Variants in MDGA2 observed in about 807,000 individuals in gnomAD.
MDGA2 encodes the protein MAM domain containing glycosylphosphatidylinositol anchor 2.
A neutral mutation model predicts 117.8 loss-of-function variants in MDGA2; 40 were observed. The observed-to-expected ratio is 0.34, with a 90% CI of 0.26 to 0.44. The LOEUF (loss-of-function observed/expected upper bound fraction) is 0.44. Among genes scored for constraint, MDGA2 ranks in the 20% least tolerant of loss-of-function variants. The pLI, the probability that MDGA2 is intolerant of heterozygous loss-of-function variation, is 1.00. For missense variants in MDGA2, 1,123 were observed against 1,250.6 expected, an observed-to-expected ratio of 0.90 and a Z score of 1.54; for synonymous variants, 452 against 439.0, an observed-to-expected ratio of 1.03 and a Z score of -0.37.
intron 5 of MDGA2, among the ~76,000 whole-genome samples, chr14:47,104,755 G>A (rs1880550312): frequency 6.6e-6 from 1 of 152,134 alleles, no homozygotes; most frequent in Non-Finnish European, 1.5e-5. Context: ...TGCTCCGTGA[G>A]AAAGATCCAC....
intron 1 of MDGA2, chr14:47,444,615 T>C (rs1893083542): frequency 6.6e-6 from 1 of 152,114 alleles, no homozygotes; most frequent in Non-Finnish European, 1.5e-5. Flanking sequence ...GGAGTAAAAC[T>C]TTTTACCTTA....
intron 1 of MDGA2, among the ~76,000 whole-genome samples, chr14:47,304,433 G>A (rs1458306657): frequency 6.6e-6 from 1 of 152,024 alleles, no homozygotes; most frequent in East Asian, 1.9e-4. Flanking sequence ...ACTAGACCCA[G>A]ACCTAGACTA....
chr14:47,471,196 G>C (rs1893720471), intron 1 of MDGA2, among the ~76,000 whole-genome samples: 1 of 151,846 alleles, frequency 6.6e-6, no homozygotes, highest in African/African-American at 2.4e-5. Flanking sequence ...AATTAAAGAT[G>C]AGGGGGAGAT....
rs184379877 is a variant in MDGA2, at chr14:47,470,135, C to T, written c.281-168585G>A. On this transcript the variant is annotated intron_variant, in intron 1 of 16. Coordinates refer to ENST00000399232, the MANE Select transcript of MDGA2 (RefSeq NM_001113498.3). ...ATTTATTTTTATTTTTTTTTTGATG[C>T]TTTCAATTCTGGGTTACAAGTGCAG... Among the ~76,000 whole-genome samples the T allele has an allele frequency of 1.8e-3, 270 of 146,216 alleles. 3 individuals carry two copies. The highest frequency in any genetic ancestry group is 0.014 in the Middle Eastern group (4 of 290).
At chr14:47,500,355 T>C (rs150794914) in intron 1 of MDGA2, among the ~76,000 whole-genome samples, 2 of 152,048 alleles carry the variant, frequency 1.3e-5, no homozygotes, top group Admixed American at 1.3e-4. Context: ...TATACATTGG[T>C]AATAAGAAAA....
chr14:47,528,603 T>C (rs570683428), intron 1 of MDGA2, among the ~76,000 whole-genome samples: 3 of 152,302 alleles, frequency 2.0e-5, no homozygotes, highest in East Asian at 1.9e-4. Context: ...AGACATATTA[T>C]GGCAACAACA....
At chr14:47,340,619 C>G (rs1890592732) in intron 1 of MDGA2, among the ~76,000 whole-genome samples, 1 of 152,126 alleles carries the variant, frequency 6.6e-6, no homozygotes. Context: ...CTTAAAAATT[C>G]TTACTGACCT....
chr14:47,320,281 C>T (rs1230960349), intron 1 of MDGA2, among the ~76,000 whole-genome samples: 1 of 152,052 alleles, frequency 6.6e-6, no homozygotes. Context: ...CATTGGGAAG[C>T]CAAGGCAGGA....
At chr14:47,325,997 AG>A (rs1476687763) in intron 1 of MDGA2, among the ~76,000 whole-genome samples, 2 of 152,158 alleles carry the variant, frequency 1.3e-5, no homozygotes, top group Non-Finnish European at 2.9e-5. Context: ...TTCCATGCAA[AG>A]GGGTTTATTT....
intron 1 of MDGA2, among the ~76,000 whole-genome samples, chr14:47,417,935 A>G (rs1000015536): frequency 6.6e-6 from 1 of 151,940 alleles, no homozygotes; most frequent in African/African-American, 2.4e-5. Flanking sequence ...GCTGGCCTCA[A>G]ACTCCTGGGC....
At chr14:47,296,383 C>T (rs1205449554) in intron 2 of MDGA2, among the ~76,000 whole-genome samples, 2 of 152,100 alleles carry the variant, frequency 1.3e-5, no homozygotes, top group African/African-American at 4.8e-5. Context: ...CTGGGAGGTG[C>T]AATTGGCAAC....
At chr14:47,474,589 T>C (rs1893796836) in intron 1 of MDGA2, among the ~76,000 whole-genome samples, 2 of 152,138 alleles carry the variant, frequency 1.3e-5, no homozygotes, top group Non-Finnish European at 2.9e-5. Flanking sequence ...TGAACTATAC[T>C]ACAATGCTAC....
chr14:47,305,062 A>G (rs1393075190), intron 1 of MDGA2, among the ~76,000 whole-genome samples: 2 of 152,142 alleles, frequency 1.3e-5, no homozygotes, highest in Non-Finnish European at 2.9e-5. Context: ...TCATCCCCAT[A>G]TCACATAATT....
chr14:47,221,661 C>T (rs150469211), intron 2 of MDGA2, among the ~76,000 whole-genome samples: 3,283 of 119,632 alleles, frequency 0.027, 129 homozygotes, highest in African/African-American at 0.097. Context: ...GCACTCCAGG[C>T]GGGGTGACAG....
At chr14:47,018,056 A>G (rs1173392844) in intron 8 of MDGA2, among the ~76,000 whole-genome samples, 1 of 152,132 alleles carries the variant, frequency 6.6e-6, no homozygotes, top group Non-Finnish European at 1.5e-5. Flanking sequence ...CTCACACACT[A>G]TAAAGAGAAG....
At chr14:47,085,926 T>C (rs184989740) in intron 6 of MDGA2, among the ~76,000 whole-genome samples, 77 of 152,192 alleles carry the variant, frequency 5.1e-4, no homozygotes, top group Admixed American at 1.0e-3. Flanking sequence ...GTAACACTGA[T>C]TTTACATAAA....
At chr14:47,561,179 G>GTTTTTTTTTTTTTTTTTT (rs1299123339) in intron 1 of MDGA2, among the ~76,000 whole-genome samples, 2 of 71,624 alleles carry the variant, frequency 2.8e-5, no homozygotes, top group Non-Finnish European at 5.5e-5. Context: ...TTGTTTGTTT[G>GTTTTTTTTTTTTTTTTTT]TTTTTTTTTG....
intron 2 of MDGA2, among the ~76,000 whole-genome samples, chr14:47,274,226 G>A (rs1454674310): frequency 6.6e-6 from 1 of 151,884 alleles, no homozygotes; most frequent in Non-Finnish European, 1.5e-5. Context: ...ATCATCTCTT[G>A]CCATTGACTC....
chr14:47,047,665 TTTC>T (rs1328196113), intron 7 of MDGA2, among the ~76,000 whole-genome samples: 1 of 152,128 alleles, frequency 6.6e-6, no homozygotes, highest in Non-Finnish European at 1.5e-5. Context: ...ATTACTATGT[TTTC>T]TTATCACTGT....
Sources: allele counts gnomAD v4.1 joint callset (sites outside exome capture counted in the v4.1 genomes callset), GRCh38; gene constraint gnomAD v4.1.1; transcripts MANE v1.5; gene names NCBI Gene and HGNC (gene_info 2026-07-23, HGNC 2026-07-21).